Variants in IHO1 observed in about 807,000 individuals in gnomAD.
The protein encoded by IHO1 is interactor of HORMAD1 1, also known as interactor of HORMAD1 protein 1.
A neutral mutation model predicts 31.0 loss-of-function variants in IHO1; 13 were observed. That is an observed-to-expected ratio of 0.42 (90% CI 0.27 to 0.67). IHO1 has a LOEUF of 0.67. Ranked by LOEUF, IHO1 falls within the 30% of genes least tolerant of loss-of-function variation. The probability of loss-of-function intolerance (pLI) is 0.24; values close to 1 mark genes in which losing one functional copy is unlikely to be tolerated. For synonymous variants in IHO1, 221 were observed against 248.4 expected, an observed-to-expected ratio of 0.89 and a Z score of 1.04; for missense variants, 599 against 687.5, an observed-to-expected ratio of 0.87 and a Z score of 1.44.
chr3:49,210,547 C>A (rs1233702916), intron 1 of IHO1, among the ~76,000 whole-genome samples: 1 of 151,948 alleles, frequency 6.6e-6, no homozygotes, highest in African/African-American at 2.4e-5. Context: ...CAGGCACCCG[C>A]CACCACACCC....
At chr3:49,245,187 AATT>A in intron 6 of IHO1, 1 of 254,966 alleles carries the variant, frequency 3.9e-6, no homozygotes. Context: ...CATCATTCTC[AATT>A]TTTTTTTTTT....
chr3:49,192,747 T>A, the IHO1 span, among the ~76,000 whole-genome samples: 2 of 151,990 alleles, frequency 1.3e-5, no homozygotes. Flanking sequence ...AATACAAAAA[T>A]CAGCTGGGTG....
At chr3:49,240,659 C>A (rs1027974482) in intron 3 of IHO1, among the ~76,000 whole-genome samples, 1 of 152,194 alleles carries the variant, frequency 6.6e-6, no homozygotes, top group African/African-American at 2.4e-5. Context: ...CCATGCCCAG[C>A]CAGTCGGTGC....
the IHO1 span, among the ~76,000 whole-genome samples, chr3:49,191,510 G>C: frequency 6.6e-6 from 1 of 152,184 alleles, no homozygotes; most frequent in Non-Finnish European, 1.5e-5. Flanking sequence ...TAGAGGACTA[G>C]GAATTTCCAC....
chr3:49,198,293 C>G (rs1431837383), upstream of IHO1: 2 of 152,222 alleles, frequency 1.3e-5, no homozygotes, highest in African/African-American at 4.8e-5. Flanking sequence ...CTAATCTTCC[C>G]TGAACACATC....
At chr3:49,199,489 C>G (rs1029058075), upstream of IHO1, 5 of 151,584 alleles carry the variant, frequency 3.3e-5, no homozygotes, top group African/African-American at 1.2e-4. Flanking sequence ...CGGGGCCGCG[C>G]GTGCCGTTGC....
At chr3:49,252,690 G>T (rs2046774440) in intron 6 of IHO1, among the ~76,000 whole-genome samples, 1 of 152,138 alleles carries the variant, frequency 6.6e-6, no homozygotes, top group Admixed American at 6.5e-5. Flanking sequence ...TTCCCAAAGT[G>T]CTGGGATTAT....
chr3:49,245,009 G>A, intron 6 of IHO1: 1 of 579,636 alleles, frequency 1.7e-6, no homozygotes, highest in Non-Finnish European at 3.1e-6. Context: ...AGCTCTGCTA[G>A]GTTTCTCATC....
chr3:49,237,973 T>C (rs1480646273), intron 3 of IHO1, among the ~76,000 whole-genome samples: 3 of 145,056 alleles, frequency 2.1e-5, no homozygotes, highest in Non-Finnish European at 4.5e-5. Context: ...TGATCTCAGT[T>C]CACTGACTGC....
At chr3:49,208,526 A>G (rs952970683) in intron 1 of IHO1, among the ~76,000 whole-genome samples, 2 of 152,200 alleles carry the variant, frequency 1.3e-5, no homozygotes, top group African/African-American at 4.8e-5. Flanking sequence ...ATGTCCATGG[A>G]AAAATTGTCT....
chr3:49,254,512 T>G (rs1374394411), intron 6 of IHO1, among the ~76,000 whole-genome samples: 2 of 149,584 alleles, frequency 1.3e-5, no homozygotes, highest in African/African-American at 5.0e-5. Flanking sequence ...TCTGAGGAGG[T>G]GACTGCTGAA....
At chr3:49,243,290 G>A (rs1456504858) in intron 4 of IHO1, among the ~76,000 whole-genome samples, 2 of 151,944 alleles carry the variant, frequency 1.3e-5, no homozygotes, top group African/African-American at 2.4e-5. Context: ...CCACAGGCGC[G>A]TGACACCATG....
chr3:49,246,633 G>A (rs117059675), intron 6 of IHO1, among the ~76,000 whole-genome samples: 1 of 151,966 alleles, frequency 6.6e-6, no homozygotes, highest in Non-Finnish European at 1.5e-5. Flanking sequence ...GAACAACAGA[G>A]TGAAACTCCC....
chr3:49,202,192 TGTA>T (rs1465447288), intron 1 of IHO1, among the ~76,000 whole-genome samples: 1 of 152,106 alleles, frequency 6.6e-6, no homozygotes, highest in African/African-American at 2.4e-5. Flanking sequence ...ATTAGAATGA[TGTA>T]GTGTTACATT....
At position 49,241,330 on chromosome 3, in the gene IHO1, A is replaced by C. The variant is rs1460394194; in HGVS notation, c.336A>C (p.Ser112=). 1.2e-6 allele frequency: 2 copies of C among 1,613,546 alleles called. No individual in the cohort carries two copies. Among genetic ancestry groups the C allele is most frequent in the Non-Finnish European group, 1.7e-6 (2 of 1,179,726 alleles). The stretch of plus-strand genomic sequence containing the variant: ...CTCCTCCTTTGTCAGTTGGAAAATC[A>C]AAAGGCCTCTTGGAACAGTTTGAGG... ...LFPPPLSVGK[S]KGLLEQFEEK... Residue 112 remains serine, a synonymous_variant, in exon 4 of 8, where the codon TCA becomes TCC. Transcript: ENST00000452691.
rs142564164 is a variant in IHO1 at position 49,241,538 on chromosome 3, TACAC to T, written c.395+169_395+172del. 2.3e-3 allele frequency: 1,075 copies of T among 473,642 alleles called. 3 individuals carry two copies. Among genetic ancestry groups the T allele is most frequent in the African/African-American group, 8.8e-3 (417 of 47,634 alleles). The allele number at this position is 473,642 out of a possible 1,614,324, so 29.3% of individuals were successfully genotyped here. A position where few individuals can be genotyped will look rare whatever the true frequency, so the allele number is the denominator to read the frequency against. On this transcript the variant is annotated intron_variant, in intron 4 of 7. Transcript: ENST00000452691. ...CCAAACCATAGGACTTACACACACA[TACAC>T]ACACACACACACACACACAGACACA...
At chr3:49,254,999 G>T (rs2046806202) in intron 6 of IHO1, among the ~76,000 whole-genome samples, 1 of 151,822 alleles carries the variant, frequency 6.6e-6, no homozygotes, top group Non-Finnish European at 1.5e-5. Context: ...GGAGGGGGAA[G>T]TTGCAGTGAA....
At chr3:49,230,785 A>G (rs1055894777) in intron 2 of IHO1, among the ~76,000 whole-genome samples, 10 of 152,220 alleles carry the variant, frequency 6.6e-5, no homozygotes, top group African/African-American at 1.9e-4. Context: ...GTAGGGATCA[A>G]TTGAAAACAT....
At chr3:49,193,389 A>G in the IHO1 span, among the ~76,000 whole-genome samples, 1 of 151,570 alleles carries the variant, frequency 6.6e-6, no homozygotes, top group Non-Finnish European at 1.5e-5. Context: ...AAAAGAAAAC[A>G]AAACAAAAAC....
Sources: gnomAD v4.1 joint callset for allele counts (sites outside exome capture counted in the v4.1 genomes callset) on GRCh38, gnomAD v4.1.1 for gene constraint, MANE v1.5 for transcripts, NCBI Gene and HGNC (gene_info 2026-07-23, HGNC 2026-07-21) for gene names.